The following JMJD1C variants were observed in gnomAD, a reference collection of about 807,000 sequenced individuals.
JMJD1C encodes jumonji domain containing 1C.
JMJD1C carries 31 observed loss-of-function variants against 245.3 expected under a neutral mutation model. The ratio of observed to expected loss-of-function variants is 0.13; its 90% CI spans 0.09 to 0.17. The LOEUF (loss-of-function observed/expected upper bound fraction) is 0.17. Among genes scored for constraint, JMJD1C ranks in the 10% least tolerant of loss-of-function variants. The probability of loss-of-function intolerance (pLI) is 1.00; values close to 1 mark genes in which losing one functional copy is unlikely to be tolerated. For synonymous variants in JMJD1C, 1,057 were observed against 1,017.4 expected (o/e 1.04, Z -0.74); for missense variants, 2,691 against 3,000.2 (o/e 0.90, Z 2.41).
At chr10:63,302,922 T>G (rs61526386) in intron 2 of JMJD1C, among the ~76,000 whole-genome samples, 11,913 of 152,092 alleles carry the variant, frequency 0.078, 698 homozygotes, top group East Asian at 0.29. Context: ...CTACTTTTTC[T>G]GAGACAGAGT....
intron 2 of JMJD1C, among the ~76,000 whole-genome samples, chr10:63,338,682 CTT>C (rs1033165415): frequency 4.7e-5 from 5 of 105,936 alleles, no homozygotes; most frequent in African/African-American, 1.1e-4. Context: ...GAGTTTCGCT[CTT>C]GTTACCCAGA....
At chr10:63,515,688 T>C (rs1453457702) in intron 1 of JMJD1C, among the ~76,000 whole-genome samples, 2 of 152,240 alleles carry the variant, frequency 1.3e-5, no homozygotes, top group East Asian at 1.9e-4. Flanking sequence ...CTAAGAAGTG[T>C]TGTCTATTCT....
intron 10 of JMJD1C, chr10:63,204,996 TAGTGAAACTA>T: frequency 1.0e-6 from 1 of 985,334 alleles, no homozygotes; most frequent in Non-Finnish European, 1.2e-6. Flanking sequence ...CACACGGACA[TAGTGAAACTA>T]AGTGCTTTCT....
intron 3 of JMJD1C, chr10:63,222,994 A>G: frequency 7.1e-7 from 1 of 1,404,942 alleles, no homozygotes; most frequent in Non-Finnish European, 1.0e-6. Context: ...ATCCACTGGA[A>G]TCAGCCAATA....
At chr10:63,414,152 A>G (rs1342436974) in intron 1 of JMJD1C, among the ~76,000 whole-genome samples, 1 of 151,788 alleles carries the variant, frequency 6.6e-6, no homozygotes, top group African/African-American at 2.4e-5. Context: ...ACGCCCAGCT[A>G]ATTTTTTGTA....
At chr10:63,226,543 T>C (rs1284436245) in intron 3 of JMJD1C, among the ~76,000 whole-genome samples, 3 of 149,030 alleles carry the variant, frequency 2.0e-5, no homozygotes, top group African/African-American at 5.0e-5. Flanking sequence ...CGAGATGCCA[T>C]TGCTACAAAA....
At chr10:63,472,033 A>C (rs1206508641) in intron 1 of JMJD1C, among the ~76,000 whole-genome samples, 1 of 152,058 alleles carries the variant, frequency 6.6e-6, no homozygotes, top group Non-Finnish European at 1.5e-5. Context: ...AGTGAGACTC[A>C]GTCTCAAAAC....
chr10:63,473,390 C>T (rs1448813689), intron 1 of JMJD1C, among the ~76,000 whole-genome samples: 1 of 151,998 alleles, frequency 6.6e-6, no homozygotes, highest in African/African-American at 2.4e-5. Context: ...GGATTACAGG[C>T]ACACAGCACC....
chr10:63,319,031 T>C (rs1272477191), intron 2 of JMJD1C, among the ~76,000 whole-genome samples: 5 of 151,978 alleles, frequency 3.3e-5, no homozygotes, highest in Non-Finnish European at 7.4e-5. Flanking sequence ...GAGGCCAAGG[T>C]GGGCGGATCA....
intron 1 of JMJD1C, among the ~76,000 whole-genome samples, chr10:63,387,305 C>T (rs762252678): frequency 1.4e-4 from 22 of 151,956 alleles, no homozygotes; most frequent in Non-Finnish European, 2.6e-4. Context: ...TTCAAAGGAA[C>T]ACAGTAATTC....
intron 4 of JMJD1C, among the ~76,000 whole-genome samples, 164 bp downstream of exon 4, chr10:63,219,714 C>T (rs1447343736): frequency 6.6e-6 from 1 of 152,210 alleles, no homozygotes; most frequent in Non-Finnish European, 1.5e-5. Context: ...TATCAACTTT[C>T]TATCAAAATT....
upstream of JMJD1C, among the ~76,000 whole-genome samples, chr10:63,466,854 C>A (rs1490357180): frequency 6.6e-6 from 1 of 152,192 alleles, no homozygotes; most frequent in Non-Finnish European, 1.5e-5. Context: ...TAACTTGGAA[C>A]AATCACTCTT....
At position 63,520,000 on chromosome 10, in the gene JMJD1C, G is replaced by C. The variant is rs141221576; in HGVS notation, n.113+1738C>G. Among the ~76,000 whole-genome samples the C allele has an allele frequency of 2.4e-3, 363 of 152,264 alleles. 3 individuals carry two copies. In the South Asian group the frequency reaches 0.029, roughly 12 times the overall value. ...ATAATGGCCAAAAATAAAAGATTCA[G>C]AGTTAAATGCAAATTATTACTCAAA... On this transcript the variant is annotated intron_variant and non_coding_transcript_variant, in intron 1 of 3. Transcript: ENST00000633035.
chr10:63,177,023 A>AT (rs1842923271), intron 23 of JMJD1C: 1 of 152,700 alleles, frequency 6.5e-6, no homozygotes, highest in Non-Finnish European at 1.5e-5. Context: ...GTATTCAGGG[A>AT]TAAAATGGTA....
At chr10:63,262,346 T>C (rs1854884820) in intron 3 of JMJD1C, among the ~76,000 whole-genome samples, 1 of 152,132 alleles carries the variant, frequency 6.6e-6, no homozygotes, top group Non-Finnish European at 1.5e-5. Flanking sequence ...TTTAAATAAA[T>C]AAATTTAACC....
rs7098385 is a variant in JMJD1C at position 63,295,122 on chromosome 10, G to A, written c.334-30358C>T. Among the ~76,000 whole-genome samples the A allele has an allele frequency of 9.3e-3, 1,411 of 152,180 alleles. 17 individuals carry two copies. Among genetic ancestry groups the A allele is most frequent in the African/African-American group, 0.031 (1,289 of 41,528 alleles). ...TTTTGTTTTGAGTGAGGATCTCTCC[G>A]TGTCGTTGGGGCTGGAGTACAGTGG... On this transcript the variant is annotated intron_variant, in intron 2 of 25. Coordinates refer to ENST00000399262, the MANE Select transcript of JMJD1C (RefSeq NM_032776.3).
At chr10:63,202,557 C>A in intron 10 of JMJD1C, 1 of 985,364 alleles carries the variant, frequency 1.0e-6, no homozygotes, top group Non-Finnish European at 1.2e-6. Context: ...AAATCAGGTC[C>A]AATTATTAAG....
intron 1 of JMJD1C, among the ~76,000 whole-genome samples, chr10:63,487,257 T>C (rs1049348775): frequency 1.3e-5 from 2 of 152,158 alleles, no homozygotes; most frequent in Non-Finnish European, 2.9e-5. Context: ...AATATGGATT[T>C]ATAGTGACAA....
chr10:63,220,831 G>A (rs756955185), intron 3 of JMJD1C, among the ~76,000 whole-genome samples: 5 of 151,832 alleles, frequency 3.3e-5, no homozygotes, highest in Admixed American at 6.6e-5. Flanking sequence ...AGGCAGGGCC[G>A]GGCGCGGTGG....
Sources: gnomAD v4.1 joint callset for allele counts (sites outside exome capture counted in the v4.1 genomes callset) on GRCh38, gnomAD v4.1.1 for gene constraint, MANE v1.5 for transcripts, NCBI Gene and HGNC (gene_info 2026-07-23, HGNC 2026-07-21) for gene names.